CATSPERB: variants seen among roughly 807,000 people sequenced by gnomAD.
CATSPERB encodes catsper channel auxiliary subunit beta.
A neutral mutation model predicts 128.3 loss-of-function variants in CATSPERB; 93 were observed. The ratio of observed to expected loss-of-function variants is 0.72; its 90% CI spans 0.61 to 0.86. CATSPERB has a LOEUF of 0.86. Among genes scored for constraint, CATSPERB ranks in the 40% least tolerant of loss-of-function variants. The pLI is 0.00. For missense variants in CATSPERB, 1,153 were observed against 1,329.5 expected (o/e 0.87, Z 2.06); for synonymous variants, 381 against 448.8 (o/e 0.85, Z 1.91).
intron 21 of CATSPERB, 134 bp downstream of exon 21, chr14:91,610,346 T>C (rs1362218620): frequency 1.5e-6 from 1 of 654,238 alleles, no homozygotes; most frequent in Non-Finnish European, 2.6e-6. Flanking sequence ...CAAAATGACA[T>C]GAGGATTAAA....
intron 7 of CATSPERB, 151 bp downstream of exon 7, chr14:91,704,401 A>G: frequency 7.5e-6 from 5 of 669,258 alleles, no homozygotes; most frequent in Non-Finnish European, 1.2e-5. Flanking sequence ...GGAAGTAGAC[A>G]AGATACAGTA....
At position 91,645,983 on chromosome 14, in the gene CATSPERB, G is replaced by C. The variant is rs867138208; in HGVS notation, c.1433-6733C>G. Among the ~76,000 whole-genome samples the C allele has an allele frequency of 5.3e-3, 789 of 148,750 alleles. 4 individuals carry two copies. The highest frequency in any genetic ancestry group is 0.014 in the Middle Eastern group (4 of 284). The stretch of plus-strand genomic sequence containing the variant: ...GTGACCCGATTTTCCAGGTGCGTCC[G>C]TCACCCCTTTCTTTGACTCGGAAAG... On this transcript the variant is annotated intron_variant, in intron 15 of 26. Coordinates refer to ENST00000256343, the MANE Select transcript of CATSPERB (RefSeq NM_024764.4).
rs139827509 is a variant in CATSPERB, at chr14:91,727,587, T to C, written c.79+1814A>G. 1.7e-3 allele frequency among the ~76,000 whole-genome samples: 259 copies of C among 152,364 alleles called. 2 individuals carry two copies. Among genetic ancestry groups the C allele is most frequent in the African/African-American group, 6.0e-3 (248 of 41,590 alleles). Reference sequence around the variant, plus strand: ...CAGTTTTCAAAGTACTTTCAACTTATGCAGTCACTTTGCCCATACTTGACA... The same window carrying C: ...CAGTTTTCAAAGTACTTTCAACTTACGCAGTCACTTTGCCCATACTTGACA... On this transcript the variant is annotated intron_variant, in intron 2 of 26. Coordinates refer to ENST00000256343, the MANE Select transcript of CATSPERB (RefSeq NM_024764.4).
chr14:91,608,485 C>A, intron 21 of CATSPERB, 81 bp from the exon 22 acceptor site: 1 of 855,488 alleles, frequency 1.2e-6, no homozygotes, highest in Non-Finnish European at 1.8e-6. Flanking sequence ...TCTAGAAAAC[C>A]AATCAAGGCA....
At chr14:91,693,966 T>TA (rs1895514964) in intron 7 of CATSPERB, among the ~76,000 whole-genome samples, 1 of 152,204 alleles carries the variant, frequency 6.6e-6, no homozygotes, top group Non-Finnish European at 1.5e-5. Flanking sequence ...TTATCTGCCA[T>TA]TAGTTCCCCT....
intron 20 of CATSPERB, among the ~76,000 whole-genome samples, chr14:91,613,706 A>C (rs565340709): frequency 5.9e-5 from 9 of 152,334 alleles, no homozygotes; most frequent in African/African-American, 2.2e-4. Flanking sequence ...TGGGCTTATC[A>C]GGCTTATTAG....
intron 24 of CATSPERB, among the ~76,000 whole-genome samples, chr14:91,588,323 AG>A (rs1344314303): frequency 2.0e-5 from 3 of 152,054 alleles, no homozygotes; most frequent in Non-Finnish European, 4.4e-5. Context: ...TAGGGGAGTT[AG>A]GCCCAATATC....
chr14:91,586,582 A>AGAGAGAGAGG (rs1893305805), intron 26 of CATSPERB, among the ~76,000 whole-genome samples: 1 of 151,868 alleles, frequency 6.6e-6, no homozygotes, highest in Non-Finnish European at 1.5e-5. Flanking sequence ...AGAGAGAGAG[A>AGAGAGAGAGG]GAGAGAGAGA....
At chr14:91,722,950 A>G (rs1451125941) in intron 4 of CATSPERB, 99 bp downstream of exon 4, 4 of 899,092 alleles carry the variant, frequency 4.4e-6, no homozygotes, top group Non-Finnish European at 6.1e-6. Context: ...ACATAGATGT[A>G]ATATTACTCA....
rs755325597 is a variant in CATSPERB at position 91,721,615 on chromosome 14, C to T, written c.309+1434G>A. 5.3e-5 allele frequency among the ~76,000 whole-genome samples: 8 copies of T among 152,040 alleles called. No individual in the cohort carries two copies. In the East Asian group the frequency reaches 5.8e-4, roughly 11 times the overall value. On this transcript the variant is annotated intron_variant, in intron 4 of 26. Coordinates refer to ENST00000256343, the MANE Select transcript of CATSPERB (RefSeq NM_024764.4). ...CTGTAATCCCAGCACTTTGGGAGGC[C>T]GAGGCTGGCGGATCACAAGGTCAGG...
intron 7 of CATSPERB, among the ~76,000 whole-genome samples, chr14:91,701,910 C>A (rs1349253025): frequency 2.2e-5 from 3 of 138,440 alleles, no homozygotes; most frequent in African/African-American, 2.7e-5. Context: ...GACCCTGTCT[C>A]AAAAAAAAAA....
intron 10 of CATSPERB, among the ~76,000 whole-genome samples, chr14:91,687,486 G>A (rs946805478): frequency 2.0e-5 from 3 of 152,154 alleles, no homozygotes; most frequent in African/African-American, 7.2e-5. Flanking sequence ...TGAACAGATG[G>A]CTGTCTATGA....
chr14:91,608,094 T>C (rs1209458468), intron 22 of CATSPERB, among the ~76,000 whole-genome samples, 200 bp downstream of exon 22: 1 of 152,134 alleles, frequency 6.6e-6, no homozygotes, highest in East Asian at 1.9e-4. Flanking sequence ...AAGCGTCCAT[T>C]TGGACTTCTT....
chr14:91,583,782 CT>C (rs538890386), intron 26 of CATSPERB, among the ~76,000 whole-genome samples: 6 of 149,744 alleles, frequency 4.0e-5, no homozygotes, highest in East Asian at 1.9e-4. Flanking sequence ...GATCTTACTC[CT>C]TTTTTTTTTC....
chr14:91,704,226 G>T (rs1268470803), intron 7 of CATSPERB, among the ~76,000 whole-genome samples: 1 of 152,060 alleles, frequency 6.6e-6, no homozygotes, highest in Non-Finnish European at 1.5e-5. Context: ...GGTATTTCAA[G>T]AACAAAAATA....
chr14:91,723,243 A>G, intron 3 of CATSPERB, 54 bp from the exon 4 acceptor site: 7 of 1,313,778 alleles, frequency 5.3e-6, no homozygotes, highest in Non-Finnish European at 5.0e-6. Flanking sequence ...ATGCAGACAC[A>G]CAAGTTAGTT....
At chr14:91,615,161 G>A (rs1405185868) in intron 20 of CATSPERB, among the ~76,000 whole-genome samples, 3 of 152,158 alleles carry the variant, frequency 2.0e-5, no homozygotes, top group Non-Finnish European at 2.9e-5. Context: ...CCTTACAGCA[G>A]GACAGCAGGA....
chr14:91,639,375 G>T, intron 15 of CATSPERB, 125 bp from the exon 16 acceptor site: 1 of 734,922 alleles, frequency 1.4e-6, no homozygotes, highest in Non-Finnish European at 2.1e-6. Flanking sequence ...TGAGACTCCT[G>T]AATTAGGAAA....
At position 91,721,625 on chromosome 14, in the gene CATSPERB, G is replaced by A. The variant is rs112263408; in HGVS notation, c.309+1424C>T. On this transcript the variant is annotated intron_variant, in intron 4 of 26. Transcript: ENST00000256343. ...AGCACTTTGGGAGGCCGAGGCTGGC[G>A]GATCACAAGGTCAGGAGATCAAGAC... Among the ~76,000 whole-genome samples, 945 of 152,114 alleles carry A rather than the reference G, an allele frequency of 6.2e-3. 15 individuals carry two copies. The highest frequency in any genetic ancestry group is 0.021 in the African/African-American group (888 of 41,526).
Sources: gnomAD v4.1 joint callset for allele counts (sites outside exome capture counted in the v4.1 genomes callset) on GRCh38, gnomAD v4.1.1 for gene constraint, MANE v1.5 for transcripts, NCBI Gene and HGNC (gene_info 2026-07-23, HGNC 2026-07-21) for gene names.